The following CNOT6L variants were observed in gnomAD, a reference collection of about 807,000 sequenced individuals.
The protein encoded by CNOT6L is CCR4-NOT transcription complex subunit 6-like.
A neutral mutation model predicts 64.0 loss-of-function variants in CNOT6L; 7 were observed. The observed-to-expected ratio is 0.11, with a 90% CI of 0.06 to 0.21. The LOEUF (loss-of-function observed/expected upper bound fraction) is 0.21, where lower values mean the gene tolerates loss of function less well. Among genes scored for constraint, CNOT6L ranks in the 10% least tolerant of loss-of-function variants. The pLI is 1.00. For synonymous variants in CNOT6L, 193 were observed against 243.4 expected (o/e 0.79, Z 1.93); for missense variants, 245 against 669.0 (o/e 0.37, Z 6.99).
intron 1 of CNOT6L, among the ~76,000 whole-genome samples, chr4:77,802,466 T>C (rs1002473246): frequency 6.6e-6 from 1 of 152,232 alleles, no homozygotes; most frequent in Non-Finnish European, 1.5e-5. Context: ...TCCTAATTAC[T>C]AAATGAATTT....
intron 8 of CNOT6L, among the ~76,000 whole-genome samples, chr4:77,741,542 T>C (rs1478739130): frequency 6.6e-6 from 1 of 152,186 alleles, no homozygotes; most frequent in Non-Finnish European, 1.5e-5. Flanking sequence ...TGCCTGCCTC[T>C]CTTATCTACC....
chr4:77,737,210 T>C (rs1331458704), intron 8 of CNOT6L, among the ~76,000 whole-genome samples: 1 of 152,174 alleles, frequency 6.6e-6, no homozygotes, highest in East Asian at 1.9e-4. Context: ...TGACCCTTTC[T>C]GGATCACATC....
At chr4:77,762,649 A>T (rs1474097827) in intron 4 of CNOT6L, among the ~76,000 whole-genome samples, 1 of 152,202 alleles carries the variant, frequency 6.6e-6, no homozygotes, top group Non-Finnish European at 1.5e-5. Context: ...ATTCCATTAT[A>T]TGGATGTGCC....
At chr4:77,811,841 C>T in intron 1 of CNOT6L, among the ~76,000 whole-genome samples, 1 of 150,652 alleles carries the variant, frequency 6.6e-6, no homozygotes, top group East Asian at 2.0e-4. Flanking sequence ...CACTGCCTGC[C>T]TATGGGCTAG....
chr4:77,799,704 C>CAAAA (rs71214370), intron 1 of CNOT6L, among the ~76,000 whole-genome samples: 2 of 90,876 alleles, frequency 2.2e-5, no homozygotes, highest in Non-Finnish European at 4.2e-5. Context: ...AACTCCATCT[C>CAAAA]AAAAAAAAAA....
chr4:77,779,972 A>G (rs1411628350), intron 1 of CNOT6L, among the ~76,000 whole-genome samples: 1 of 152,118 alleles, frequency 6.6e-6, no homozygotes, highest in Non-Finnish European at 1.5e-5. Context: ...TCAATCAATC[A>G]ATCAATAACA....
At chr4:77,792,737 A>AG (rs1436999040) in intron 1 of CNOT6L, among the ~76,000 whole-genome samples, 1 of 151,276 alleles carries the variant, frequency 6.6e-6, no homozygotes, top group Non-Finnish European at 1.5e-5. Flanking sequence ...AAAAAAAAAA[A>AG]AAAAAAAGAC....
intron 6 of CNOT6L, among the ~76,000 whole-genome samples, chr4:77,745,421 GA>G (rs1724078800): frequency 2.6e-5 from 4 of 152,272 alleles, no homozygotes; most frequent in African/African-American, 9.6e-5. Context: ...ACTATAAAAA[GA>G]CTGTGAGCAA....
chr4:77,724,639 CAA>C (rs58504681), intron 11 of CNOT6L, among the ~76,000 whole-genome samples: 58 of 64,026 alleles, frequency 9.1e-4, no homozygotes, highest in Admixed American at 1.6e-3. Context: ...GACCCTATCT[CAA>C]AAAAAAAAAA....
At chr4:77,790,722 G>A (rs1467482267) in intron 1 of CNOT6L, among the ~76,000 whole-genome samples, 1 of 151,432 alleles carries the variant, frequency 6.6e-6, no homozygotes. Flanking sequence ...TTAATTTTGA[G>A]ACGGATTCTT....
At chr4:77,776,165 T>TC in intron 2 of CNOT6L, 106 bp downstream of exon 2, 1 of 1,114,188 alleles carries the variant, frequency 9.0e-7, no homozygotes, top group Non-Finnish European at 1.3e-6. Context: ...TTGTAGTTTT[T>TC]CAATGAGTCC....
At chr4:77,747,663 G>A (rs1724357880) in intron 6 of CNOT6L, among the ~76,000 whole-genome samples, 1 of 152,060 alleles carries the variant, frequency 6.6e-6, no homozygotes, top group Non-Finnish European at 1.5e-5. Flanking sequence ...TGTCAAATAT[G>A]AAGAAGCTTT....
intron 1 of CNOT6L, among the ~76,000 whole-genome samples, chr4:77,812,516 C>T (rs1197600882): frequency 6.6e-6 from 1 of 150,424 alleles, no homozygotes; most frequent in Admixed American, 6.7e-5. Context: ...AAACATAAAT[C>T]AAGTGTATTT....
At chr4:77,784,833 G>A (rs1365589854) in intron 1 of CNOT6L, among the ~76,000 whole-genome samples, 3 of 151,926 alleles carry the variant, frequency 2.0e-5, no homozygotes, top group Non-Finnish European at 4.4e-5. Context: ...CCTCTGATAC[G>A]TACATTTTCA....
intron 6 of CNOT6L, among the ~76,000 whole-genome samples, chr4:77,745,923 C>G (rs1449977740): frequency 2.6e-5 from 4 of 152,192 alleles, no homozygotes; most frequent in African/African-American, 9.7e-5. Context: ...AAACTCAGTT[C>G]AGTCCCCTGG....
intron 11 of CNOT6L, among the ~76,000 whole-genome samples, chr4:77,723,623 T>A (rs549245687): frequency 6.6e-5 from 10 of 152,314 alleles, no homozygotes. Flanking sequence ...TGAAATACTA[T>A]TCTATTGTCT....
At chr4:77,760,896 A>G (rs1013171896) in intron 4 of CNOT6L, among the ~76,000 whole-genome samples, 3 of 31,792 alleles carry the variant, frequency 9.4e-5, no homozygotes, top group Non-Finnish European at 1.4e-4. Flanking sequence ...TTTTTTTTTT[A>G]AGGAAGAGAC....
chr4:77,737,649 A>G (rs1413704458), intron 8 of CNOT6L, among the ~76,000 whole-genome samples: 3 of 151,532 alleles, frequency 2.0e-5, no homozygotes, highest in Non-Finnish European at 4.4e-5. Context: ...TTAACTCCTG[A>G]CCTTGTGATC....
At chr4:77,814,403 A>G (rs986746325) in intron 1 of CNOT6L, among the ~76,000 whole-genome samples, 1 of 152,174 alleles carries the variant, frequency 6.6e-6, no homozygotes, top group Non-Finnish European at 1.5e-5. Context: ...TCCAAAAAAA[A>G]GCAACCCTTT....
Sources: allele counts gnomAD v4.1 joint callset (sites outside exome capture counted in the v4.1 genomes callset), GRCh38; gene constraint gnomAD v4.1.1; transcripts MANE v1.5; gene names NCBI Gene and HGNC (gene_info 2026-07-23, HGNC 2026-07-21).